ZCCHC8: variants seen among roughly 807,000 people sequenced by gnomAD.
ZCCHC8 encodes the protein zinc finger CCHC domain-containing protein 8.
In ZCCHC8, 27 loss-of-function variants were observed where a neutral mutation model predicts 70.6. That is an observed-to-expected ratio of 0.38 (90% confidence interval 0.28 to 0.53). The LOEUF is 0.53. ZCCHC8 is among the 20% of genes least tolerant of loss of function. The pLI is 0.81. For missense variants in ZCCHC8, 737 were observed against 876.9 expected, an observed-to-expected ratio of 0.84 and a Z score of 2.01; for synonymous variants, 293 against 317.4, an observed-to-expected ratio of 0.92 and a Z score of 0.82.
rs1957897864 is a variant in ZCCHC8, at chr12:122,500,165, C to G, written c.199+477G>C. ...CAGCACACCCGGATTCCTTGAGGCC[C>G]CCAACTCTGCATTCTGGGACCACTA... On this transcript the variant is annotated intron_variant, in intron 1 of 13. Transcript: ENST00000633063. The surrounding 1 kb of genome is among the most constrained non-coding windows in gnomAD (Gnocchi z 4.8). The G allele has an allele frequency of 6.3e-6, 1 of 159,542 alleles. No individual in the cohort carries two copies. Among genetic ancestry groups the G allele is most frequent in the Admixed American group, 6.2e-5 (1 of 16,106 alleles). 9.9% of individuals were successfully genotyped at this position (159,542 alleles called of 1,614,324 possible). A position where few individuals can be genotyped will look rare whatever the true frequency, so the allele number is the denominator to read the frequency against.
At position 122,483,614 on chromosome 12, in the gene ZCCHC8, T is replaced by C; in HGVS notation, c.502-51A>G. 1 of 1,292,910 alleles carries C rather than the reference T, an allele frequency of 7.7e-7. No individual in the cohort carries two copies. Among genetic ancestry groups the C allele is most frequent in the Non-Finnish European group, 1.1e-6 (1 of 920,750 alleles). 80.1% of individuals were successfully genotyped at this position (1,292,910 alleles called of 1,614,324 possible). On this transcript the variant is annotated intron_variant, in intron 5 of 13. Coordinates refer to ENST00000633063, the MANE Select transcript of ZCCHC8 (RefSeq NM_017612.5). The surrounding 1 kb of genome is among the most constrained non-coding windows in gnomAD (Gnocchi z 4.4). ...TGCTATTTAAGCAGAAAAAAAGACA[T>C]TAAATAATGTAAGATTATGATTAAC...
intron 13 of ZCCHC8, among the ~76,000 whole-genome samples, chr12:122,475,196 G>A (rs1286074694): frequency 6.6e-6 from 1 of 151,220 alleles, no homozygotes; most frequent in Non-Finnish European, 1.5e-5. Flanking sequence ...TACAGCGCAC[G>A]CCAACATGCC....
chr12:122,473,772 C>T lies in ZCCHC8; in HGVS notation c.1849G>A (p.Val617Ile), dbSNP rs768532162. 1.2e-6 allele frequency: 2 copies of T among 1,613,262 alleles called. No homozygotes were observed. Among genetic ancestry groups the T allele is most frequent in the Non-Finnish European group, 1.7e-6 (2 of 1,179,336 alleles). ...CQKEKAELAPVNTEGALLDNG... is the reference protein window; with the variant it reads ...CQKEKAELAPINTEGALLDNG... ...TCAAGAAGGGCACCTTCAGTGTTTACCGGAGCCAACTCTGCTTTTTCCTTC... is the reference window on the plus strand; with the variant it reads ...TCAAGAAGGGCACCTTCAGTGTTTATCGGAGCCAACTCTGCTTTTTCCTTC... The change falls in exon 14 of 14, where the codon GTA (valine) becomes ATA (isoleucine). Residue 617 changes from valine to isoleucine, a missense_variant. By Grantham distance (29) the Val-to-Ile change is conservative (BLOSUM62 3). Coordinates refer to ENST00000633063, the MANE Select transcript of ZCCHC8 (RefSeq NM_017612.5).
intron 1 of ZCCHC8, 93 bp from the exon 2 acceptor site, chr12:122,498,962 A>G (rs894646086): frequency 1.0e-5 from 12 of 1,191,502 alleles, no homozygotes; most frequent in Non-Finnish European, 1.5e-5. Context: ...TCAGAATATT[A>G]TAAAGACAAA....
chr12:122,489,493 C>T (rs745712381), intron 4 of ZCCHC8, 30 bp from the exon 5 acceptor site: 23 of 1,596,698 alleles, frequency 1.4e-5, no homozygotes, highest in Middle Eastern at 3.3e-4. Flanking sequence ...ATATTACAAC[C>T]GGTAACCAAT....
intron 1 of ZCCHC8, chr12:122,499,463 TCACCATGTTGGC>T (rs1957881627): frequency 6.5e-6 from 1 of 153,898 alleles, no homozygotes; most frequent in Non-Finnish European, 1.4e-5. Flanking sequence ...AGACGGGGTT[TCACCATGTTGGC>T]CAGGCTGACC....
At chr12:122,495,592 G>A (rs928414111) in intron 2 of ZCCHC8, among the ~76,000 whole-genome samples, 10 of 152,058 alleles carry the variant, frequency 6.6e-5, no homozygotes, top group Admixed American at 1.3e-4. Flanking sequence ...GCTCATGCCC[G>A]TAATGCCAGC....
chr12:122,478,425 G>T, intron 11 of ZCCHC8, 133 bp from the exon 12 acceptor site: 1 of 647,798 alleles, frequency 1.5e-6, no homozygotes, highest in Non-Finnish European at 2.7e-6. Flanking sequence ...TTCCTTTATT[G>T]GAAATTAAGG....
rs746007865 is a variant in ZCCHC8 at position 122,481,952 on chromosome 12, C to T, written c.868G>A (p.Val290Ile). ...GTAAAATGCCATTAGTACCTAATAA[C>T]TCCTGGCTTGAATCTTCCAAATCTT... The part of the protein sequence containing the change: ...EERFGRFKPG[V>I]ISEELQDALG... Residue 290 changes from valine (V) to isoleucine (I), a missense_variant, in exon 9 of 14, where the codon GTT (valine) becomes ATT (isoleucine). Physicochemically the swap from Val to Ile is conservative, Grantham distance 29. Transcript: ENST00000633063. 1.4e-5 allele frequency: 23 copies of T among 1,612,472 alleles called. No homozygotes were observed. Among genetic ancestry groups the T allele is most frequent in the South Asian group, 2.2e-5 (2 of 90,782 alleles).
At chr12:122,498,915 T>G in intron 1 of ZCCHC8, 46 bp from the exon 2 acceptor site, 2 of 1,525,092 alleles carry the variant, frequency 1.3e-6, no homozygotes, top group South Asian at 1.1e-5. Flanking sequence ...ACAATGCAAA[T>G]CATAAAATTC....
intron 5 of ZCCHC8, among the ~76,000 whole-genome samples, chr12:122,486,601 G>A (rs1418338275): frequency 2.6e-5 from 4 of 151,376 alleles, no homozygotes; most frequent in African/African-American, 7.3e-5. Context: ...AGAGAGTCTC[G>A]CTCTGTTGCC....
intron 13 of ZCCHC8, among the ~76,000 whole-genome samples, chr12:122,476,646 G>C (rs1056234549): frequency 1.3e-5 from 2 of 151,520 alleles, no homozygotes; most frequent in East Asian, 3.9e-4. Flanking sequence ...AGAGCCCCTA[G>C]TACAAAACTG....
rs1352393539 is a variant in ZCCHC8 at position 122,492,792 on chromosome 12, A to G, written c.243-3T>C. On this transcript the variant is annotated splice_region_variant and splice_polypyrimidine_tract_variant and intron_variant, in intron 2 of 13. Coordinates refer to ENST00000633063, the MANE Select transcript of ZCCHC8 (RefSeq NM_017612.5). ...TAGTATCGTTCACCAATATTCCACT[A>G]AAACAGAAGTTAGAACATATTCTTA... 4 of 1,519,780 alleles carry G rather than the reference A, an allele frequency of 2.6e-6. No homozygotes were observed. The highest frequency in any genetic ancestry group is 2.4e-5 in the East Asian group (1 of 41,352). 94.1% of individuals were successfully genotyped at this position (1,519,780 alleles called of 1,614,324 possible). A position where few individuals can be genotyped will look rare whatever the true frequency, so the allele number is the denominator to read the frequency against.
intron 5 of ZCCHC8, among the ~76,000 whole-genome samples, chr12:122,489,032 A>G (rs1957696095): frequency 6.6e-6 from 1 of 152,194 alleles, no homozygotes; most frequent in African/African-American, 2.4e-5. Context: ...TCAACACTTT[A>G]AATTCCAAAT....
At chr12:122,486,085 C>T (rs1012669949) in intron 5 of ZCCHC8, among the ~76,000 whole-genome samples, 1 of 152,068 alleles carries the variant, frequency 6.6e-6, no homozygotes, top group East Asian at 1.9e-4. Context: ...TAACCAGCTA[C>T]AGACTATTTT....
At chr12:122,477,992 C>G (rs199613263) in intron 12 of ZCCHC8, 34 bp from the exon 13 acceptor site, 1 of 1,510,192 alleles carries the variant, frequency 6.6e-7, no homozygotes, top group Non-Finnish European at 9.2e-7. Context: ...ACAAGTTAAG[C>G]GGGGTAGATA....
rs1257137514 is a variant in ZCCHC8, at chr12:122,483,663, T to C, written c.502-100A>G. 1 of 992,760 alleles carries C rather than the reference T, an allele frequency of 1.0e-6. No homozygotes were observed. The highest frequency in any genetic ancestry group is 1.5e-6 in the Non-Finnish European group (1 of 670,842). The allele number at this position is 992,760 out of a possible 1,614,324, so 61.5% of individuals were successfully genotyped here. A position where few individuals can be genotyped will look rare whatever the true frequency, so the allele number is the denominator to read the frequency against. ...ACTGTTTTAACAATTTATTTTTGGA[T>C]GGAATTATTAGAAATAATAACTTCC... On this transcript the variant is annotated intron_variant, in intron 5 of 13. Transcript: ENST00000633063. The surrounding 1 kb of genome is among the most constrained non-coding windows in gnomAD (Gnocchi z 4.4).
intron 13 of ZCCHC8, among the ~76,000 whole-genome samples, chr12:122,474,937 G>T (rs1957390687): frequency 6.6e-6 from 1 of 152,018 alleles, no homozygotes; most frequent in African/African-American, 2.4e-5. Context: ...GTTTCACCAT[G>T]TTGGCCAGGC....
intron 13 of ZCCHC8, among the ~76,000 whole-genome samples, chr12:122,477,600 T>C (rs1161368261): frequency 2.1e-5 from 3 of 143,346 alleles, no homozygotes; most frequent in Non-Finnish European, 4.6e-5. Context: ...CTGGTCAAGA[T>C]GGTGAAACCC....
Sources: gnomAD v4.1 joint callset for allele counts (sites outside exome capture counted in the v4.1 genomes callset) on GRCh38, gnomAD v4.1.1 for gene constraint, Gnocchi (gnomAD v3.1) non-coding constraint, MANE v1.5 for transcripts, NCBI Gene and HGNC (gene_info 2026-07-23, HGNC 2026-07-21) for gene names.